CIITA: variants seen among roughly 807,000 people sequenced by gnomAD.
The protein encoded by CIITA is class II major histocompatibility complex transactivator.
In CIITA, 72 loss-of-function variants were observed where a neutral mutation model predicts 115.1. That is an observed-to-expected ratio of 0.63 (90% confidence interval 0.52 to 0.76). The LOEUF (loss-of-function observed/expected upper bound fraction) is 0.76. Among genes scored for constraint, CIITA ranks in the 30% least tolerant of loss-of-function variants. CIITA has a pLI of 0.00. For missense variants in CIITA, 1,617 were observed against 1,463.8 expected (o/e 1.10, Z -1.71); for synonymous variants, 763 against 635.6 (o/e 1.20, Z -3.02).
Position 10,907,288 on chromosome 16 carries a change from G to A in CIITA, c.1796G>A (p.Arg599Gln), listed in dbSNP as rs141095229. 1.8e-5 allele frequency: 29 copies of A among 1,613,398 alleles called. No homozygotes were observed. The highest frequency in any genetic ancestry group is 2.4e-5 in the Non-Finnish European group (28 of 1,180,004). ...EHQDRALTLL[R>Q]DRPLLLSHSH... ...CAAGACAGAGCCCTGACGCTCCTCC[G>A]GGACCGGCCACTTCTTCTCAGTCAC... The change falls in exon 11 of 20, where the codon CGG (arginine) becomes CAG (glutamine). Residue 599 changes from arginine to glutamine, a missense_variant. Transcript: ENST00000324288. This position sits in a 1 kb window ranked among gnomAD's most constrained non-coding sequence, Gnocchi z 5.0.
rs1488782817 is a variant in CIITA, at chr16:10,903,813, C to T, written c.855C>T (p.Gly285=). ...TCCCAACATCTCCAGACCGGCCAGG[C>T]TCCACCAGCCCCTTCGCTCCATCAG... ...HGLPTSPDRP[G]STSPFAPSAT... The change falls in exon 9 of 20, where the codon GGC becomes GGT. Residue 285 remains glycine (G), a synonymous_variant. Coordinates refer to ENST00000324288, the MANE Select transcript of CIITA (RefSeq NM_000246.4). The T allele has an allele frequency of 3.1e-6, 5 of 1,614,216 alleles. No individual in the cohort carries two copies. The highest frequency in any genetic ancestry group is 1.1e-5 in the South Asian group (1 of 91,088).
At chr16:10,875,964 C>T (rs576872442), upstream of CIITA, among the ~76,000 whole-genome samples, 2 of 152,056 alleles carry the variant, frequency 1.3e-5, no homozygotes, top group Non-Finnish European at 2.9e-5. Flanking sequence ...AGCGCGACTC[C>T]GTCTCAAAAA....
chr16:10,876,075 A>G (rs1025609451), upstream of CIITA, among the ~76,000 whole-genome samples: 1 of 152,072 alleles, frequency 6.6e-6, no homozygotes, highest in Non-Finnish European at 1.5e-5. Context: ...AGTTGAACCC[A>G]GAACCCGGGA....
In CIITA at chr16:10,915,555, C is replaced by T. The variant is rs768328144; in HGVS notation, c.2889-15C>T. ...ACTGTGACTGGAGGTCTTACCCTTGCTCTTTGCCTCCTAGGCTGGGCCCTG... is the reference window on the plus strand; with the variant it reads ...ACTGTGACTGGAGGTCTTACCCTTGTTCTTTGCCTCCTAGGCTGGGCCCTG... On this transcript the variant is annotated splice_polypyrimidine_tract_variant and intron_variant, in intron 13 of 19. Transcript: ENST00000324288. 5 of 1,609,930 alleles carry T rather than the reference C, an allele frequency of 3.1e-6. No individual in the cohort carries two copies. Among genetic ancestry groups the T allele is most frequent in the Admixed American group, 1.7e-5 (1 of 59,998 alleles).
At chr16:10,894,933 A>G (rs1373631151) in intron 1 of CIITA, among the ~76,000 whole-genome samples, 1 of 152,224 alleles carries the variant, frequency 6.6e-6, no homozygotes, top group Admixed American at 6.5e-5. Flanking sequence ...GTGCCAGCTC[A>G]TGTGCCTGGC....
chr16:10,901,880 C>T lies in CIITA; in HGVS notation c.482-158C>T. 9.4e-7 allele frequency: 1 copy of T among 1,065,340 alleles called. No homozygotes were observed. Among genetic ancestry groups the T allele is most frequent in the Non-Finnish European group, 1.4e-6 (1 of 706,808 alleles). 66.0% of individuals were successfully genotyped at this position (1,065,340 alleles called of 1,614,324 possible). A position where few individuals can be genotyped will look rare whatever the true frequency, so the allele number is the denominator to read the frequency against. ...AGGAGAGGACTGGGGGACTGCCTGG[C>T]ACAGAGCAGTTGCTGATCAACACAG... On this transcript the variant is annotated intron_variant, in intron 6 of 19. Transcript: ENST00000324288. This position sits in a 1 kb window ranked among gnomAD's most constrained non-coding sequence, Gnocchi z 6.8.
Position 10,934,220 on chromosome 16 carries a change from C to T in CIITA, c.*10365C>T, listed in dbSNP as rs1373015764. ...TCCAGGTCCTGCCACATCCAAGAAC[C>T]ACCTGGACTATTATTTACTTAGTAT... On this transcript the variant is annotated 3_prime_UTR_variant, in exon 20 of 20. Transcript: ENST00000324288. The surrounding 1 kb of genome is among the most constrained non-coding windows in gnomAD (Gnocchi z 4.2). 1 of 152,252 alleles carries T rather than the reference C, an allele frequency of 6.6e-6. No homozygotes were observed. Among genetic ancestry groups the T allele is most frequent in the Non-Finnish European group, 1.5e-5 (1 of 68,054 alleles). 9.4% of individuals were successfully genotyped at this position (152,252 alleles called of 1,614,324 possible).
At chr16:10,908,601 A>T in intron 11 of CIITA, 1 of 420,980 alleles carries the variant, frequency 2.4e-6, no homozygotes, top group South Asian at 2.2e-5. Flanking sequence ...ATTGTATCCC[A>T]TCCCTGCTTA....
At chr16:10,898,904 C>G (rs2038420246) in intron 4 of CIITA, 21 bp from the exon 5 acceptor site, 1 of 1,613,584 alleles carries the variant, frequency 6.2e-7, no homozygotes, top group Non-Finnish European at 8.5e-7. Flanking sequence ...GTGAGTTGGT[C>G]TCTGGTTTTT....
Position 10,941,665 on chromosome 16 carries a change from C to T in CIITA, n.791C>T, listed in dbSNP as rs1383892188. Reference sequence around the variant, plus strand: ...CGGCGGCATGATCTGGGCGGCTGGTCCAGGGCATGGGTTGCGGATCGTGTA... The same window carrying T: ...CGGCGGCATGATCTGGGCGGCTGGTTCAGGGCATGGGTTGCGGATCGTGTA... On this transcript the variant is annotated non_coding_transcript_exon_variant, in exon 2 of 2. Transcript: ENST00000573379. The surrounding 1 kb of genome is among the most constrained non-coding windows in gnomAD (Gnocchi z 6.4). 13 of 1,552,332 alleles carry T rather than the reference C, an allele frequency of 8.4e-6. No homozygotes were observed. In the East Asian group the frequency reaches 2.5e-4, roughly 30 times the overall value.
At chr16:10,904,712 C>G in intron 9 of CIITA, 32 bp from the exon 10 acceptor site, 1 of 1,613,874 alleles carries the variant, frequency 6.2e-7, no homozygotes, top group Non-Finnish European at 8.5e-7. Flanking sequence ...TAACCCTCAC[C>G]CTAAATCTGG....
chr16:10,871,054 C>T (rs1181086343), intron 1 of CIITA, among the ~76,000 whole-genome samples: 1 of 152,248 alleles, frequency 6.6e-6, no homozygotes, highest in African/African-American at 2.4e-5. Context: ...GGGCCATGTC[C>T]TCAGACAGCC....
chr16:10,912,621 C>T (rs2039657499), intron 13 of CIITA, among the ~76,000 whole-genome samples: 1 of 152,212 alleles, frequency 6.6e-6, no homozygotes, highest in African/African-American at 2.4e-5. Context: ...AAGCCAGTGT[C>T]TCTTGTTTTG....
At chr16:10,873,945 T>G (rs2035654073), upstream of CIITA, among the ~76,000 whole-genome samples, 1 of 152,088 alleles carries the variant, frequency 6.6e-6, no homozygotes, top group African/African-American at 2.4e-5. Flanking sequence ...CAAGAGTTTT[T>G]TGTTGTTGCT....
chr16:10,894,482 T>A (rs1175250106), intron 1 of CIITA, among the ~76,000 whole-genome samples: 1 of 152,236 alleles, frequency 6.6e-6, no homozygotes, highest in Non-Finnish European at 1.5e-5. Flanking sequence ...GTTTTATTAA[T>A]ACATAATATG....
In CIITA at chr16:10,942,230, C is replaced by A. The variant is rs1436533781; in HGVS notation, n.1356C>A. 4 of 387,124 alleles carry A rather than the reference C, an allele frequency of 1.0e-5. No individual in the cohort carries two copies. Among genetic ancestry groups the A allele is most frequent in the African/African-American group, 2.2e-5 (1 of 46,454 alleles). 24.0% of individuals were successfully genotyped at this position (387,124 alleles called of 1,614,324 possible). A position where few individuals can be genotyped will look rare whatever the true frequency, so the allele number is the denominator to read the frequency against. ...TGCCCCCAAGGATCTCTCGACCGCC[C>A]GGGCGGCGAGGCGGGCCCCCCTGAA... is the stretch of plus-strand genomic sequence containing the variant. On this transcript the variant is annotated non_coding_transcript_exon_variant, in exon 2 of 2. Coordinates refer to the CIITA transcript ENST00000573379. This position sits in a 1 kb window ranked among gnomAD's most constrained non-coding sequence, Gnocchi z 5.0.
chr16:10,903,770 GA>G lies in CIITA; in HGVS notation c.813del (p.Phe272SerfsTer34). 6.2e-7 allele frequency: 1 copy of G among 1,614,134 alleles called. No individual in the cohort carries two copies. Among genetic ancestry groups the G allele is most frequent in the Non-Finnish European group, 8.5e-7 (1 of 1,180,028 alleles). The part of the protein sequence containing the change: ...PQASQVPPPS[G>X]FTVHGLPTSP... ...GCCAGCCAAGTACCCCCTCCCAGTG[GA>G]TTCACTGTCCACGGCCTCCCAACAT... On this transcript the variant is annotated frameshift_variant, in exon 9 of 20. Transcript: ENST00000324288. LOFTEE classifies it high-confidence loss of function.
intron 1 of CIITA, among the ~76,000 whole-genome samples, chr16:10,870,169 CAAAAAAAAAAAAA>C (rs34256366): frequency 9.7e-4 from 45 of 46,288 alleles, no homozygotes; most frequent in Non-Finnish European, 1.3e-3. Flanking sequence ...GTACTTCCTG[CAAAAAAAAAAAAA>C]AAAAAAAAAA....
intron 1 of CIITA, among the ~76,000 whole-genome samples, chr16:10,869,970 T>C (rs894639151): frequency 5.9e-5 from 9 of 151,928 alleles, no homozygotes; most frequent in African/African-American, 2.2e-4. Flanking sequence ...GTATGCAATA[T>C]ATATTTGTTG....
Sources: allele counts gnomAD v4.1 joint callset (sites outside exome capture counted in the v4.1 genomes callset), GRCh38; gene constraint gnomAD v4.1.1; non-coding constraint Gnocchi (gnomAD v3.1); transcripts MANE v1.5; gene names NCBI Gene and HGNC (gene_info 2026-07-23, HGNC 2026-07-21).